The following PRMT3 variants were observed in gnomAD, a reference collection of about 807,000 sequenced individuals.
PRMT3 encodes the protein protein arginine N-methyltransferase 3.
PRMT3 carries 62 observed loss-of-function variants against 71.9 expected under a neutral mutation model. The observed-to-expected ratio is 0.86, with a 90% confidence interval of 0.70 to 1.07. PRMT3 has a LOEUF of 1.07. Among genes scored for constraint, PRMT3 ranks in the 50% least tolerant of loss-of-function variants. The probability of loss-of-function intolerance (pLI) is 0.00; values close to 1 mark genes in which losing one functional copy is unlikely to be tolerated. For missense variants in PRMT3, 663 were observed against 643.0 expected, an observed-to-expected ratio of 1.03 and a Z score of -0.34; for synonymous variants, 213 against 220.4, an observed-to-expected ratio of 0.97 and a Z score of 0.30.
Position 20,404,235 on chromosome 11 carries a change from T to TG in PRMT3, c.771+1251_771+1252insG, listed in dbSNP as rs1565196870. Among the ~76,000 whole-genome samples the TG allele has an allele frequency of 3.5e-5, 4 of 114,956 alleles. No homozygotes were observed. The East Asian group carries it at 9.5e-4, about 27-fold the overall frequency. The allele number at this position is 114,956 out of a possible 152,430, so 75.4% of individuals were successfully genotyped here. A position where few individuals can be genotyped will look rare whatever the true frequency, so the allele number is the denominator to read the frequency against. ...AGTTTTTTTTTTTTTTTTTTTTTTT[T>TG]TTTTTTTTTTTTTTTTTGAGACAGA... is the stretch of plus-strand genomic sequence containing the variant. On this transcript the variant is annotated intron_variant, in intron 8 of 15. Coordinates refer to ENST00000331079, the MANE Select transcript of PRMT3 (RefSeq NM_005788.4).
intron 13 of PRMT3, among the ~76,000 whole-genome samples, chr11:20,487,767 A>G (rs1851111307): frequency 6.6e-6 from 1 of 152,244 alleles, no homozygotes; most frequent in Non-Finnish European, 1.5e-5. Context: ...TGAGGTATCA[A>G]TTTATGAAAT....
At chr11:20,425,961 C>T (rs1849536527) in intron 9 of PRMT3, among the ~76,000 whole-genome samples, 2 of 152,212 alleles carry the variant, frequency 1.3e-5, no homozygotes, top group Admixed American at 6.5e-5. Context: ...TTACAATGTA[C>T]ATTCTGAGAA....
At chr11:20,418,962 C>T (rs1849368128) in intron 9 of PRMT3, among the ~76,000 whole-genome samples, 1 of 152,188 alleles carries the variant, frequency 6.6e-6, no homozygotes, top group Admixed American at 6.5e-5. Context: ...TGCTCTTTCT[C>T]AATCAGATGG....
intron 9 of PRMT3, among the ~76,000 whole-genome samples, chr11:20,422,621 G>A (rs1849452958): frequency 6.6e-6 from 1 of 152,178 alleles, no homozygotes; most frequent in South Asian, 2.1e-4. Flanking sequence ...AGGTTAGGTA[G>A]GCAAACATCC....
chr11:20,433,906 C>T (rs953408555), intron 10 of PRMT3, among the ~76,000 whole-genome samples: 1 of 152,170 alleles, frequency 6.6e-6, no homozygotes, highest in African/African-American at 2.4e-5. Flanking sequence ...AGGCGTGCAC[C>T]ACCACACCTG....
chr11:20,399,675 C>G (rs1266118136), intron 7 of PRMT3, among the ~76,000 whole-genome samples: 2 of 152,028 alleles, frequency 1.3e-5, no homozygotes, highest in Non-Finnish European at 2.9e-5. Flanking sequence ...TAAAGGTCAC[C>G]GAAACTTTCA....
chr11:20,406,659 T>A (rs1157454545), intron 8 of PRMT3: 1 of 152,214 alleles, frequency 6.6e-6, no homozygotes, highest in Non-Finnish European at 1.5e-5. Context: ...TTTGGGTATA[T>A]ACCCAGAAAT....
intron 15 of PRMT3, among the ~76,000 whole-genome samples, chr11:20,507,157 A>T (rs1359389582): frequency 6.6e-6 from 1 of 152,224 alleles, no homozygotes; most frequent in Non-Finnish European, 1.5e-5. Flanking sequence ...CCATGACTTC[A>T]GCCCTGGCAT....
chr11:20,395,071 T>C (rs1031915905), intron 5 of PRMT3, among the ~76,000 whole-genome samples: 1 of 152,202 alleles, frequency 6.6e-6, no homozygotes, highest in South Asian at 2.1e-4. Context: ...TTCTCTGAAA[T>C]TTATTTTTTC....
intron 15 of PRMT3, among the ~76,000 whole-genome samples, chr11:20,496,209 C>G (rs769228729): frequency 3.3e-5 from 5 of 152,134 alleles, no homozygotes; most frequent in African/African-American, 7.2e-5. Flanking sequence ...GTGGTAGTTG[C>G]ATAGCATAGT....
chr11:20,390,906 CGGGCAT>C (rs1236290099), intron 3 of PRMT3, among the ~76,000 whole-genome samples: 1 of 152,072 alleles, frequency 6.6e-6, no homozygotes, highest in Admixed American at 6.6e-5. Context: ...AAAAATTAGT[CGGGCAT>C]GGTGGCATGT....
At chr11:20,433,084 T>A (rs1274980643) in intron 10 of PRMT3, among the ~76,000 whole-genome samples, 1 of 152,168 alleles carries the variant, frequency 6.6e-6, no homozygotes, top group African/African-American at 2.4e-5. Flanking sequence ...GGAATACATA[T>A]ACAGGTTTGT....
intron 15 of PRMT3, among the ~76,000 whole-genome samples, chr11:20,501,155 A>T (rs1309252600): frequency 6.6e-6 from 1 of 152,154 alleles, no homozygotes; most frequent in Admixed American, 6.5e-5. Flanking sequence ...GTAAAATTTA[A>T]ATGTCTTCAG....
intron 10 of PRMT3, among the ~76,000 whole-genome samples, chr11:20,443,643 T>G (rs1849958860): frequency 6.6e-6 from 1 of 152,162 alleles, no homozygotes; most frequent in African/African-American, 2.4e-5. Context: ...GGAATATTGT[T>G]TTAGAAACTG....
intron 12 of PRMT3, 63 bp downstream of exon 12, chr11:20,462,230 G>A: frequency 1.5e-6 from 2 of 1,295,242 alleles, no homozygotes; most frequent in Non-Finnish European, 2.1e-6. Context: ...TTCAGCATTT[G>A]AAAATAATAT....
rs188246028 is a variant in PRMT3, at chr11:20,491,369, C to G, written c.1348-2550C>G. ...TGAGAGTTGTTCAATTTTCCTGATT[C>G]TTTGTATGTTGAGTAATTTGAGATT... On this transcript the variant is annotated intron_variant, in intron 13 of 15. Coordinates refer to ENST00000331079, the MANE Select transcript of PRMT3 (RefSeq NM_005788.4). Among the ~76,000 whole-genome samples, 5 of 152,180 alleles carry G rather than the reference C, an allele frequency of 3.3e-5. 1 individual carries two copies. In the East Asian group the frequency reaches 9.7e-4, roughly 29 times the overall value.
At chr11:20,393,124 T>G (rs1453427192) in intron 5 of PRMT3, 125 bp downstream of exon 5, 2 of 671,590 alleles carry the variant, frequency 3.0e-6, no homozygotes, top group African/African-American at 1.8e-5. Flanking sequence ...CATCAGGTAG[T>G]TAGTTTCAGT....
intron 15 of PRMT3, among the ~76,000 whole-genome samples, chr11:20,503,911 T>A (rs1022212758): frequency 6.6e-6 from 1 of 152,204 alleles, no homozygotes; most frequent in African/African-American, 2.4e-5. Context: ...GCAAATTTTT[T>A]AAAAATGACT....
At chr11:20,415,968 A>G (rs1196887502) in intron 9 of PRMT3, among the ~76,000 whole-genome samples, 1 of 152,206 alleles carries the variant, frequency 6.6e-6, no homozygotes, top group Non-Finnish European at 1.5e-5. Flanking sequence ...CCTGGGATTC[A>G]TACTTGACAT....
Sources: allele counts gnomAD v4.1 joint callset (sites outside exome capture counted in the v4.1 genomes callset), GRCh38; gene constraint gnomAD v4.1.1; transcripts MANE v1.5; gene names NCBI Gene and HGNC (gene_info 2026-07-23, HGNC 2026-07-21).